The following DHX8 variants were observed in gnomAD, a reference collection of about 807,000 sequenced individuals.
DHX8 encodes the protein DEAH-box helicase 8, also known as ATP-dependent RNA helicase DHX8.
Under a neutral mutation model 140.7 loss-of-function variants are expected in DHX8, and 67 were observed. The observed-to-expected ratio is 0.48, with a 90% CI of 0.39 to 0.58. DHX8 has a LOEUF of 0.58. DHX8 is among the 20% of genes least tolerant of loss of function. DHX8 has a pLI of 0.00. For missense variants in DHX8, 887 were observed against 1,550.7 expected (o/e 0.57, Z 7.19); for synonymous variants, 533 against 553.2 (o/e 0.96, Z 0.51).
At chr17:43,525,806 G>T (rs1446353075), downstream of DHX8, 17 of 984,616 alleles carry the variant, frequency 1.7e-5, no homozygotes, top group Non-Finnish European at 2.0e-5. Context: ...TCCCCATTCA[G>T]AAACACTCCT....
chr17:43,509,448 A>T (rs1429788004), intron 16 of DHX8, among the ~76,000 whole-genome samples: 1 of 151,582 alleles, frequency 6.6e-6, no homozygotes, highest in East Asian at 1.9e-4. Context: ...GATATAATTT[A>T]CATACCTTTC....
At chr17:43,530,581 G>A (rs1970865389), downstream of DHX8, 2 of 444,554 alleles carry the variant, frequency 4.5e-6, no homozygotes, top group Non-Finnish European at 7.4e-6. Context: ...CGGTCAGCAG[G>A]TCAGGTTCCC....
chr17:43,490,302 C>A, intron 2 of DHX8, 89 bp from the exon 3 acceptor site: 1 of 967,832 alleles, frequency 1.0e-6, no homozygotes, highest in South Asian at 1.5e-5. Flanking sequence ...GCGTAACCAC[C>A]CTTCCCTACA....
chr17:43,490,497 G>T, intron 3 of DHX8, 34 bp downstream of exon 3: 1 of 1,554,630 alleles, frequency 6.4e-7, no homozygotes, highest in Non-Finnish European at 8.8e-7. Context: ...TTAGCTTCTA[G>T]AATGGTGTAG....
chr17:43,533,367 CA>C (rs775552924), intron 2 of DHX8: 57 of 1,605,048 alleles, frequency 3.6e-5, no homozygotes, highest in East Asian at 3.4e-4. Context: ...GAGAAGGAGA[CA>C]GGGGTGAGGG....
At chr17:43,529,483 G>A, downstream of DHX8, 1 of 1,594,180 alleles carries the variant, frequency 6.3e-7, no homozygotes, top group Non-Finnish European at 8.6e-7. Context: ...AAGGAGGGCT[G>A]GGAACATCCG....
intron 9 of DHX8, among the ~76,000 whole-genome samples, chr17:43,497,298 TTATA>T (rs543883597): frequency 1.5e-3 from 225 of 152,300 alleles, no homozygotes; most frequent in Non-Finnish European, 1.9e-3. Flanking sequence ...TATAGAGTGT[TTATA>T]TATAAATTGT....
intron 8 of DHX8, among the ~76,000 whole-genome samples, chr17:43,495,742 G>T (rs376174782): frequency 6.6e-6 from 1 of 152,106 alleles, no homozygotes; most frequent in Non-Finnish European, 1.5e-5. Flanking sequence ...TCCCGATATC[G>T]TGGGTCAGAG....
rs754652647 is a variant in DHX8 at position 43,492,917 on chromosome 17, A to G, written c.740A>G (p.Asp247Gly). 2 of 1,614,226 alleles carry G rather than the reference A, an allele frequency of 1.2e-6. No individual in the cohort carries two copies. Among genetic ancestry groups the G allele is most frequent in the Non-Finnish European group, 1.7e-6 (2 of 1,180,048 alleles). The change falls in exon 6 of 23, where the codon GAT (aspartate) becomes GGT (glycine). Residue 247 changes from aspartate to glycine, a missense_variant. Coordinates refer to ENST00000262415, the MANE Select transcript of DHX8 (RefSeq NM_004941.3). ...DRDKYGERNL[D>G]RWRDKHVDRP... ...GACAAATATGGAGAGCGGAATCTGGATAGATGGCGGGATAAGCATGTGGAC... is the reference window on the plus strand; with the variant it reads ...GACAAATATGGAGAGCGGAATCTGGGTAGATGGCGGGATAAGCATGTGGAC...
intron 3 of DHX8, 166 bp downstream of exon 3, chr17:43,490,629 TTGGGAGGCCAAGG>T: frequency 3.3e-6 from 2 of 614,936 alleles, no homozygotes; most frequent in East Asian, 5.8e-5. Flanking sequence ...TCCCAGCACT[TTGGGAGGCCAAGG>T]TGGGAGTATC....
intron 11 of DHX8, among the ~76,000 whole-genome samples, chr17:43,502,996 A>G (rs1410835556): frequency 6.6e-6 from 1 of 152,174 alleles, no homozygotes; most frequent in Non-Finnish European, 1.5e-5. Flanking sequence ...ATGTTTGCAT[A>G]TGCTAGAGAG....
At chr17:43,497,943 A>G (rs996098366) in intron 9 of DHX8, among the ~76,000 whole-genome samples, 42 of 152,316 alleles carry the variant, frequency 2.8e-4, no homozygotes, top group Non-Finnish European at 1.2e-4. Context: ...TTATTCCACA[A>G]TGAAGTTGGA....
Position 43,489,480 on chromosome 17 carries a change from T to TACC in DHX8, c.184_186dup (p.Thr62dup), listed in dbSNP as rs1282034345. 1 of 1,613,584 alleles carries TACC rather than the reference T, an allele frequency of 6.2e-7. No individual in the cohort carries two copies. Among genetic ancestry groups the TACC allele is most frequent in the Non-Finnish European group, 8.5e-7 (1 of 1,179,582 alleles). On this transcript the variant is annotated inframe_insertion, in exon 2 of 23. Transcript: ENST00000262415. ...TTGTGATCAGTCTTGCTGAGAAAAATACCACCTTTGATACTTTTAAGGCTT... is the reference window on the plus strand; with the variant it reads ...TTGTGATCAGTCTTGCTGAGAAAAATACCACCACCTTTGATACTTTTAAGGCTT...
chr17:43,529,994 C>T (rs1970816098), downstream of DHX8: 2 of 1,611,198 alleles, frequency 1.2e-6, no homozygotes, highest in South Asian at 1.1e-5. Flanking sequence ...TGGGGGTTCA[C>T]CGATGAGACC....
downstream of DHX8, chr17:43,526,524 G>C (rs1276283195): frequency 6.5e-7 from 1 of 1,535,686 alleles, no homozygotes; most frequent in South Asian, 1.2e-5. Flanking sequence ...TGTGGTTGCT[G>C]TAGCTGTCTC....
At chr17:43,533,443 C>T in intron 2 of DHX8, 1 of 1,232,260 alleles carries the variant, frequency 8.1e-7, no homozygotes, top group South Asian at 1.4e-5. Flanking sequence ...ACAGGGATTA[C>T]AGGAGAAGGA....
intron 2 of DHX8, chr17:43,534,036 C>T (rs1265966527): frequency 2.8e-6 from 4 of 1,452,186 alleles, no homozygotes; most frequent in Non-Finnish European, 2.7e-6. Context: ...ACACAAGAGG[C>T]AGGCAGGGCT....
At chr17:43,488,827 G>C (rs1006609299) in intron 1 of DHX8, among the ~76,000 whole-genome samples, 2 of 152,082 alleles carry the variant, frequency 1.3e-5, no homozygotes, top group Admixed American at 6.6e-5. Flanking sequence ...CCCAGGTAGT[G>C]GTTTTGTGAG....
At chr17:43,517,404 C>T (rs1183743000) in intron 18 of DHX8, 82 bp downstream of exon 18, 1 of 1,460,564 alleles carries the variant, frequency 6.8e-7, no homozygotes, top group Non-Finnish European at 9.2e-7. Flanking sequence ...TTTTATGAAC[C>T]TTGTTAAATA....
Sources: gnomAD v4.1 joint callset for allele counts (sites outside exome capture counted in the v4.1 genomes callset) on GRCh38, gnomAD v4.1.1 for gene constraint, MANE v1.5 for transcripts, NCBI Gene and HGNC (gene_info 2026-07-23, HGNC 2026-07-21) for gene names.